FAM111B: variants seen among roughly 807,000 people sequenced by gnomAD.
FAM111B encodes the protein serine protease FAM111B.
FAM111B carries 1 observed loss-of-function variant against 2.8 expected under a neutral mutation model. The ratio of observed to expected loss-of-function variants is 0.36; its 90% CI spans 0.13 to 1.70. The LOEUF is 1.70. Ranked by LOEUF, FAM111B falls within the 40% of genes most tolerant of loss-of-function variation. FAM111B has a pLI of 0.35. For missense variants in FAM111B, 882 were observed against 878.9 expected (o/e 1.00, Z -0.04); for synonymous variants, 297 against 295.6 (o/e 1.00, Z -0.05).
intron 3 of FAM111B, among the ~76,000 whole-genome samples, chr11:59,118,975 A>G (rs1430054252): frequency 2.0e-5 from 3 of 152,330 alleles, no homozygotes; most frequent in African/African-American, 7.2e-5. Flanking sequence ...TGTATATTAC[A>G]GAGCTAATAT....
At position 59,124,701 on chromosome 11, in the gene FAM111B, A is replaced by G. The variant is rs1434598178; in HGVS notation, c.604A>G (p.Asn202Asp). 1 of 1,613,600 alleles carries G rather than the reference A, an allele frequency of 6.2e-7. No individual in the cohort carries two copies. Among genetic ancestry groups the G allele is most frequent in the East Asian group, 2.2e-5 (1 of 44,884 alleles). ...GRTRKKIVKI[N>D]ELHEKGSKLC... is the part of the protein sequence containing the mutation. ...GACAAGAAAGAAGATTGTTAAGATC[A>G]ACGAACTTCATGAAAAAGGAAGTAA... Residue 202 changes from asparagine to aspartate, a missense_variant, in exon 4 of 4, where the codon AAC becomes GAC. Physicochemically the swap from Asn to Asp is conservative, Grantham distance 23. Transcript: ENST00000343597.
At position 59,109,658 on chromosome 11, in the gene FAM111B, A is replaced by G. The variant is rs1859727375; in HGVS notation, c.33A>G (p.Ser11=). The change falls in exon 3 of 4, where the codon TCA becomes TCG. Residue 11 remains serine (S), a synonymous_variant. Transcript: ENST00000343597. ...CCATGAAGACTGAAGAAAACAAGTC[A>G]TTTAGCGCTATGGAAGATGACCAGA... MNSMKTEENK[S]FSAMEDDQRT... 3 of 1,612,370 alleles carry G rather than the reference A, an allele frequency of 1.9e-6. No individual in the cohort carries two copies. Among genetic ancestry groups the G allele is most frequent in the Non-Finnish European group, 1.7e-6 (2 of 1,179,130 alleles).
In FAM111B at chr11:59,109,653, A is replaced by G; in HGVS notation, c.28A>G (p.Lys10Glu). The G allele has an allele frequency of 3.7e-6, 6 of 1,611,884 alleles. No individual in the cohort carries two copies. The highest frequency in any genetic ancestry group is 5.1e-6 in the Non-Finnish European group (6 of 1,178,852). ...GAATTCCATGAAGACTGAAGAAAAC[A>G]AGTCATTTAGCGCTATGGAAGATGA... is the stretch of plus-strand genomic sequence containing the variant. MNSMKTEEN[K>E]SFSAMEDDQR... Residue 10 changes from lysine to glutamate, a missense_variant, in exon 3 of 4, where the codon AAG becomes GAG. Physicochemically the swap from Lys to Glu is moderately conservative, Grantham distance 56 (BLOSUM62 1). Coordinates refer to ENST00000343597, the MANE Select transcript of FAM111B (RefSeq NM_198947.4).
chr11:59,118,826 T>A (rs1037614929), intron 3 of FAM111B, among the ~76,000 whole-genome samples: 1 of 152,232 alleles, frequency 6.6e-6, no homozygotes, highest in African/African-American at 2.4e-5. Context: ...TATATAGAAA[T>A]TTTAATTATT....
chr11:59,120,019 T>TTACAAAACAA (rs1859897201), intron 3 of FAM111B, among the ~76,000 whole-genome samples: 1 of 152,194 alleles, frequency 6.6e-6, no homozygotes, highest in African/African-American at 2.4e-5. Context: ...AACAATGGAT[T>TTACAAAACAA]TAGCTTAGTC....
intron 3 of FAM111B, among the ~76,000 whole-genome samples, chr11:59,115,158 G>A (rs1301409747): frequency 6.6e-6 from 1 of 152,144 alleles, no homozygotes; most frequent in African/African-American, 2.4e-5. Flanking sequence ...GGGTCAGAGA[G>A]GTGGGATGGG....
chr11:59,126,537 TAAAC>T lies in FAM111B; in HGVS notation c.*237_*240del, dbSNP rs1860039187. ...TAATATTCAGAATCCATTAGGAACT[TAAAC>T]AGATTAACAAGCAAAAAAAACAAGC... is the stretch of plus-strand genomic sequence containing the variant. On this transcript the variant is annotated 3_prime_UTR_variant, in exon 4 of 4. Coordinates refer to ENST00000343597, the MANE Select transcript of FAM111B (RefSeq NM_198947.4). The T allele has an allele frequency of 2.8e-6, 1 of 353,680 alleles. No homozygotes were observed. Among genetic ancestry groups the T allele is most frequent in the Admixed American group, 4.5e-5 (1 of 22,028 alleles). 21.9% of individuals were successfully genotyped at this position (353,680 alleles called of 1,614,324 possible). A position where few individuals can be genotyped will look rare whatever the true frequency, so the allele number is the denominator to read the frequency against.
chr11:59,107,883 T>C (rs1859689979), intron 1 of FAM111B, among the ~76,000 whole-genome samples: 1 of 152,186 alleles, frequency 6.6e-6, no homozygotes, highest in Admixed American at 6.5e-5. Flanking sequence ...GCTTCTAAGT[T>C]CGTTTCCCAT....
intron 3 of FAM111B, among the ~76,000 whole-genome samples, chr11:59,115,977 C>G (rs1859835295): frequency 1.3e-5 from 2 of 152,222 alleles, no homozygotes; most frequent in Admixed American, 6.5e-5. Context: ...AGTCCCGTCC[C>G]TACTCTGTTT....
intron 3 of FAM111B, among the ~76,000 whole-genome samples, chr11:59,121,870 C>T (rs1217996403): frequency 6.6e-6 from 1 of 152,168 alleles, no homozygotes; most frequent in Non-Finnish European, 1.5e-5. Context: ...GCAGGCCGGG[C>T]GCAGTGGCTC....
At chr11:59,113,515 T>C (rs1049087536) in intron 3 of FAM111B, among the ~76,000 whole-genome samples, 1 of 152,204 alleles carries the variant, frequency 6.6e-6, no homozygotes, top group African/African-American at 2.4e-5. Context: ...AGCTTTAAGA[T>C]TGTCCAGAGA....
chr11:59,125,784 C>T lies in FAM111B; in HGVS notation c.1687C>T (p.Arg563Ter), dbSNP rs373584140. The change falls in exon 4 of 4, where the codon CGA becomes TGA. Residue 563 changes from arginine (R) to a stop codon, truncating the protein, a stop_gained. Coordinates refer to ENST00000343597, the MANE Select transcript of FAM111B (RefSeq NM_198947.4). LOFTEE classifies it low-confidence loss of function (END_TRUNC). ...NGNAFPPGLW[R>*]QISPQPSTGL... is the part of the protein sequence containing the mutation. ...AAATGCGTTTCCTCCAGGACTATGG[C>T]GACAGATTTCTCCTCAACCATCTAC... 97 of 1,613,682 alleles carry T rather than the reference C, an allele frequency of 6.0e-5. No individual in the cohort carries two copies. Among genetic ancestry groups the T allele is most frequent in the Non-Finnish European group, 7.2e-5 (85 of 1,179,846 alleles).
chr11:59,121,823 G>T (rs1170742601), intron 3 of FAM111B, among the ~76,000 whole-genome samples: 1 of 152,154 alleles, frequency 6.6e-6, no homozygotes, highest in Admixed American at 6.5e-5. Flanking sequence ...AATGGATACA[G>T]AATTTCATCA....
chr11:59,113,651 T>C (rs1293616274), intron 3 of FAM111B, among the ~76,000 whole-genome samples: 8 of 152,136 alleles, frequency 5.3e-5, no homozygotes, highest in Non-Finnish European at 1.2e-4. Flanking sequence ...GGAATCTCCC[T>C]CCCCAGACAA....
At position 59,126,711 on chromosome 11, in the gene FAM111B, G is replaced by C. The variant is rs1164221391; in HGVS notation, c.*409G>C. 2 of 160,734 alleles carry C rather than the reference G, an allele frequency of 1.2e-5. No homozygotes were observed. The highest frequency in any genetic ancestry group is 4.8e-5 in the African/African-American group (2 of 41,544). The allele number at this position is 160,734 out of a possible 1,614,324, so 10.0% of individuals were successfully genotyped here. Reference sequence around the variant, plus strand: ...CAAAAAAATGCCATCACACTAATCAGAATGGCTGTTATTAAAATGCCAAAA... The same window carrying C: ...CAAAAAAATGCCATCACACTAATCACAATGGCTGTTATTAAAATGCCAAAA... On this transcript the variant is annotated 3_prime_UTR_variant, in exon 4 of 4. Transcript: ENST00000343597.
chr11:59,117,060 G>A (rs1859850071), intron 3 of FAM111B, among the ~76,000 whole-genome samples: 1 of 152,212 alleles, frequency 6.6e-6, no homozygotes, highest in East Asian at 1.9e-4. Flanking sequence ...CTCACTTAGA[G>A]GGAAAACAAA....
intron 2 of FAM111B, among the ~76,000 whole-genome samples, chr11:59,109,085 C>T (rs978844768): frequency 1.3e-5 from 2 of 152,112 alleles, no homozygotes; most frequent in African/African-American, 2.4e-5. Context: ...GTTTTCTAGT[C>T]GGATTTTTGG....
chr11:59,114,820 A>G (rs374535419), intron 3 of FAM111B, among the ~76,000 whole-genome samples: 8 of 152,038 alleles, frequency 5.3e-5, no homozygotes, highest in Non-Finnish European at 2.9e-5. Flanking sequence ...GTGTGTGTGC[A>G]TGCACGTGTG....
intron 3 of FAM111B, among the ~76,000 whole-genome samples, chr11:59,121,976 C>T (rs1297573825): frequency 6.6e-6 from 1 of 151,988 alleles, no homozygotes; most frequent in Non-Finnish European, 1.5e-5. Context: ...AACCCCGTCT[C>T]TACTAAAAAT....
Sources: gnomAD v4.1 joint callset for allele counts (sites outside exome capture counted in the v4.1 genomes callset) on GRCh38, gnomAD v4.1.1 for gene constraint, MANE v1.5 for transcripts, NCBI Gene and HGNC (gene_info 2026-07-23, HGNC 2026-07-21) for gene names.